The following SPG11 variants were observed in gnomAD, a reference collection of about 807,000 sequenced individuals.
SPG11 encodes the protein SPG11 vesicle trafficking associated, spatacsin, also known as spatacsin.
Under a neutral mutation model 274.0 loss-of-function variants are expected in SPG11, and 222 were observed. The ratio of observed to expected loss-of-function variants is 0.81; its 90% confidence interval spans 0.73 to 0.91. The LOEUF (loss-of-function observed/expected upper bound fraction) is 0.91, where lower values mean the gene tolerates loss of function less well. Among genes scored for constraint, SPG11 ranks in the 40% least tolerant of loss-of-function variants. The pLI is 0.00. For missense variants in SPG11, 3,114 were observed against 2,872.7 expected, an observed-to-expected ratio of 1.08 and a Z score of -1.92; for synonymous variants, 1,144 against 1,039.7, an observed-to-expected ratio of 1.10 and a Z score of -1.93.
At chr15:44,644,230 G>C (rs1467462441) in intron 7 of SPG11, among the ~76,000 whole-genome samples, 1 of 150,762 alleles carries the variant, frequency 6.6e-6, no homozygotes, top group Non-Finnish European at 1.5e-5. Context: ...ACATCAAAAA[G>C]CGAATCCAAC....
chr15:44,630,373 G>T (rs2084026178), intron 8 of SPG11, among the ~76,000 whole-genome samples: 1 of 152,190 alleles, frequency 6.6e-6, no homozygotes, highest in South Asian at 2.1e-4. Context: ...CAGTGCAGGT[G>T]AGAGTGGAAT....
At chr15:44,594,318 C>T (rs530335280) in intron 26 of SPG11, among the ~76,000 whole-genome samples, 3 of 151,752 alleles carry the variant, frequency 2.0e-5, no homozygotes, top group South Asian at 4.2e-4. Context: ...CCAAGCTACT[C>T]GGGAGGCTGA....
chr15:44,621,545 T>C (rs775217947), intron 14 of SPG11: 20 of 533,700 alleles, frequency 3.7e-5, no homozygotes, highest in Non-Finnish European at 6.0e-5. Flanking sequence ...AAATCTCAAT[T>C]AACTATTTTT....
chr15:44,605,651 AG>A (rs1015356880), intron 20 of SPG11, among the ~76,000 whole-genome samples: 2 of 152,318 alleles, frequency 1.3e-5, no homozygotes, highest in South Asian at 4.1e-4. Context: ...AGAATTAAAG[AG>A]GTTAGATCAC....
At position 44,622,274 on chromosome 15, in the gene SPG11, T is replaced by G. The variant is rs2083774595; in HGVS notation, c.2390A>C (p.Glu797Ala). ...KRTIDFVHQV[E>A]KLYLGHFQEN... ...TTGGAAATGTCCCAAATAAAGCTTC[T>G]CAACTTGATGCACGAAGTCTATAGT... The change falls in exon 13 of 40, where the codon GAG becomes GCG. Residue 797 changes from glutamate to alanine, a missense_variant. Coordinates refer to ENST00000261866, the MANE Select transcript of SPG11 (RefSeq NM_025137.4). 1 of 1,607,764 alleles carries G rather than the reference T, an allele frequency of 6.2e-7. No individual in the cohort carries two copies. Among genetic ancestry groups the G allele is most frequent in the African/African-American group, 1.3e-5 (1 of 74,790 alleles).
Position 44,649,090 on chromosome 15 carries a change from C to T in SPG11, c.1457-79G>A, listed in dbSNP as rs1168588711. 9 of 1,054,424 alleles carry T rather than the reference C, an allele frequency of 8.5e-6. No individual in the cohort carries two copies. The East Asian group carries it at 2.0e-4, about 24-fold the overall frequency. The allele number at this position is 1,054,424 out of a possible 1,614,324, so 65.3% of individuals were successfully genotyped here. Reference sequence around the variant, plus strand: ...TGATTTAGGAATTGATTTTTAATTACTCAATACTTCAGTACTATAATTACA... The same window carrying T: ...TGATTTAGGAATTGATTTTTAATTATTCAATACTTCAGTACTATAATTACA... On this transcript the variant is annotated intron_variant, in intron 6 of 39. Transcript: ENST00000261866.
Position 44,584,339 on chromosome 15 carries a change from G to C in SPG11, c.5341C>G (p.His1781Asp). Residue 1781 changes from histidine (H) to aspartate (D), a missense_variant, in exon 30 of 40, where the codon CAC (histidine) becomes GAC (aspartate). Physicochemically the swap from His to Asp is moderately conservative, Grantham distance 81. Coordinates refer to ENST00000261866, the MANE Select transcript of SPG11 (RefSeq NM_025137.4). ...ERHLLLTLAG[H>D]WLAQEDVVPL... ...ACCACGTCCTCCTGGGCAAGCCAGTGCCCTGCCAAGGTGAGCAGCAGATGG... is the reference window on the plus strand; with the variant it reads ...ACCACGTCCTCCTGGGCAAGCCAGTCCCCTGCCAAGGTGAGCAGCAGATGG... 6.2e-7 allele frequency: 1 copy of C among 1,611,138 alleles called. No homozygotes were observed. The highest frequency in any genetic ancestry group is 8.5e-7 in the Non-Finnish European group (1 of 1,178,028).
At position 44,606,043 on chromosome 15, in the gene SPG11, TAGCAGACTGCC is replaced by T. The variant is rs775475528; in HGVS notation, c.3491_3501del (p.Trp1164Ter). 6.2e-7 allele frequency: 1 copy of T among 1,613,802 alleles called. No individual in the cohort carries two copies. Among genetic ancestry groups the T allele is most frequent in the South Asian group, 1.1e-5 (1 of 91,078 alleles). On this transcript the variant is annotated frameshift_variant, in exon 20 of 40. Transcript: ENST00000261866. LOFTEE classifies it high-confidence loss of function. ...GACTTACCTCCTATAGCTAGTGTGT[TAGCAGACTGCC>T]AGCCAAACAATCTGCTAGGATCAAA...
intron 23 of SPG11, among the ~76,000 whole-genome samples, chr15:44,597,930 G>T (rs2083086034): frequency 6.6e-6 from 1 of 152,104 alleles, no homozygotes; most frequent in African/African-American, 2.4e-5. Context: ...AATCCTCCAA[G>T]ACATCTGAAC....
At position 44,589,283 on chromosome 15, in the gene SPG11, G is replaced by A. The variant is rs751776468; in HGVS notation, c.4875C>T (p.Leu1625=). 3 of 1,613,964 alleles carry A rather than the reference G, an allele frequency of 1.9e-6. No homozygotes were observed. The highest frequency in any genetic ancestry group is 2.5e-6 in the Non-Finnish European group (3 of 1,180,002). Residue 1625 remains leucine, a synonymous_variant, in exon 28 of 40, where the codon CTC becomes CTT. Coordinates refer to ENST00000261866, the MANE Select transcript of SPG11 (RefSeq NM_025137.4). The part of the protein sequence containing the change: ...TQYELGKLLQ[L]FVEREHLFSD... ...AGAAGAGATGCTCTCTTTCAACAAA[G>A]AGCTGTAAAAGCTTCCCCAGCTCAT...
intron 23 of SPG11, among the ~76,000 whole-genome samples, chr15:44,597,354 C>T (rs1404092299): frequency 2.6e-5 from 4 of 151,998 alleles, no homozygotes; most frequent in African/African-American, 4.8e-5. Flanking sequence ...TCAGGTGATC[C>T]GTCCGCCTCA....
At chr15:44,637,559 G>A (rs992665525) in intron 7 of SPG11, among the ~76,000 whole-genome samples, 2 of 152,150 alleles carry the variant, frequency 1.3e-5, no homozygotes, top group Middle Eastern at 3.4e-3. Flanking sequence ...AGTGATCTGC[G>A]CACCTCGGCC....
chr15:44,588,772 C>T (rs1014232340), intron 28 of SPG11: 10 of 297,962 alleles, frequency 3.4e-5, no homozygotes, highest in Admixed American at 3.2e-4. Context: ...CTCAGGGGAT[C>T]GGCAATGTTA....
intron 7 of SPG11, among the ~76,000 whole-genome samples, chr15:44,642,251 G>T (rs1195935218): frequency 6.6e-6 from 1 of 151,136 alleles, no homozygotes; most frequent in Non-Finnish European, 1.5e-5. Flanking sequence ...TGTAATCCCA[G>T]CTACTCAGGA....
At chr15:44,610,005 C>G (rs2083420460) in intron 18 of SPG11, among the ~76,000 whole-genome samples, 1 of 144,908 alleles carries the variant, frequency 6.9e-6, no homozygotes, top group African/African-American at 2.6e-5. Flanking sequence ...TGGGTTCAAA[C>G]AATTCTTCTG....
rs191797478 is a variant in SPG11, at chr15:44,594,179, C to T, written c.4635+1080G>A. Among the ~76,000 whole-genome samples the T allele has an allele frequency of 9.1e-3, 1,380 of 151,596 alleles. 26 individuals carry two copies. Among genetic ancestry groups the T allele is most frequent in the African/African-American group, 0.031 (1,284 of 41,380 alleles). On this transcript the variant is annotated intron_variant, in intron 26 of 39. Transcript: ENST00000261866. ...GGTGGCTCACGCCTGTAAATCCCAG[C>T]GCTTTGGGAGGCCGAGGTGGGAGGA...
At chr15:44,602,898 C>T (rs1353415179) in intron 20 of SPG11, among the ~76,000 whole-genome samples, 2 of 152,068 alleles carry the variant, frequency 1.3e-5, no homozygotes, top group Non-Finnish European at 2.9e-5. Flanking sequence ...AGGCAATAGC[C>T]AATAACCCTA....
At chr15:44,611,036 T>G (rs1192503787) in intron 17 of SPG11, 51 bp from the exon 18 acceptor site, 1 of 1,399,986 alleles carries the variant, frequency 7.1e-7, no homozygotes, top group Non-Finnish European at 9.6e-7. Flanking sequence ...AAATACTAAA[T>G]TAAGGATTAC....
chr15:44,654,893 C>T (rs983198943), intron 4 of SPG11, among the ~76,000 whole-genome samples: 7 of 152,088 alleles, frequency 4.6e-5, no homozygotes, highest in South Asian at 2.1e-4. Flanking sequence ...TACACACTTA[C>T]GGACTGTACA....
Sources: allele counts gnomAD v4.1 joint callset (sites outside exome capture counted in the v4.1 genomes callset), GRCh38; gene constraint gnomAD v4.1.1; transcripts MANE v1.5; gene names NCBI Gene and HGNC (gene_info 2026-07-23, HGNC 2026-07-21).